The following ERBB4 variants were observed in gnomAD, a reference collection of about 807,000 sequenced individuals.
ERBB4 encodes receptor tyrosine-protein kinase erbB-4.
A neutral mutation model predicts 158.0 loss-of-function variants in ERBB4; 42 were observed. The observed-to-expected ratio is 0.27, with a 90% confidence interval of 0.21 to 0.34. The LOEUF is 0.34. Among genes scored for constraint, ERBB4 ranks in the 10% least tolerant of loss-of-function variants. The pLI is 1.00. For synonymous variants in ERBB4, 583 were observed against 558.7 expected (o/e 1.04, Z -0.61); for missense variants, 1,333 against 1,624.1 (o/e 0.82, Z 3.08).
At chr2:211,416,055 T>C (rs3791702) in intron 25 of ERBB4, among the ~76,000 whole-genome samples, 48,778 of 152,056 alleles carry the variant, frequency 0.32, 8,019 homozygotes, top group South Asian at 0.54. Context: ...TTAGCTGATA[T>C]GTTTTGACAG....
intron 2 of ERBB4, among the ~76,000 whole-genome samples, chr2:211,970,794 A>G (rs1358164620): frequency 1.3e-5 from 2 of 152,068 alleles, no homozygotes; most frequent in East Asian, 3.9e-4. Flanking sequence ...TGGGTCTCTT[A>G]GAGGCAGCAT....
intron 20 of ERBB4, among the ~76,000 whole-genome samples, chr2:211,436,235 T>C (rs1457893809): frequency 6.6e-6 from 1 of 152,248 alleles, no homozygotes; most frequent in Non-Finnish European, 1.5e-5. Context: ...TTTTAATTTA[T>C]ATTTTAAACT....
chr2:212,442,416 C>T (rs2092274462), intron 1 of ERBB4, among the ~76,000 whole-genome samples: 1 of 152,066 alleles, frequency 6.6e-6, no homozygotes, highest in African/African-American at 2.4e-5. Context: ...CCCATCCTTC[C>T]CCAAGGAAAC....
chr2:211,403,182 C>A (rs757299907), intron 25 of ERBB4, among the ~76,000 whole-genome samples: 4 of 152,096 alleles, frequency 2.6e-5, no homozygotes, highest in Non-Finnish European at 5.9e-5. Context: ...ATGTTCCCTA[C>A]AGTTTATTAT....
At chr2:211,729,605 A>G (rs563834198) in intron 5 of ERBB4, among the ~76,000 whole-genome samples, 1 of 151,910 alleles carries the variant, frequency 6.6e-6, no homozygotes, top group Admixed American at 6.6e-5. Flanking sequence ...GGCACCATAG[A>G]GTAAATTTAT....
chr2:212,022,829 C>A (rs950635266), intron 2 of ERBB4, among the ~76,000 whole-genome samples: 1 of 151,758 alleles, frequency 6.6e-6, no homozygotes, highest in Non-Finnish European at 1.5e-5. Context: ...TAAAGAGTAT[C>A]CTCTTTTGAA....
At chr2:211,927,653 T>G (rs1039164388) in intron 3 of ERBB4, among the ~76,000 whole-genome samples, 2 of 151,916 alleles carry the variant, frequency 1.3e-5, no homozygotes, top group African/African-American at 4.8e-5. Context: ...GAAACACAAA[T>G]GTAGAGTGAG....
intron 20 of ERBB4, among the ~76,000 whole-genome samples, chr2:211,466,377 G>A (rs1046002946): frequency 6.5e-5 from 9 of 139,276 alleles, no homozygotes; most frequent in Non-Finnish European, 1.4e-4. Flanking sequence ...CACATTCAAT[G>A]ATGCCATGAA....
At chr2:211,957,834 A>C (rs1192877167) in intron 2 of ERBB4, among the ~76,000 whole-genome samples, 8 of 152,134 alleles carry the variant, frequency 5.3e-5, no homozygotes, top group African/African-American at 1.7e-4. Context: ...CTAGCATTTC[A>C]ATGTACAATT....
At chr2:211,677,633 G>A (rs944876792) in intron 13 of ERBB4, among the ~76,000 whole-genome samples, 1 of 151,226 alleles carries the variant, frequency 6.6e-6, no homozygotes, top group African/African-American at 2.4e-5. Context: ...CCAGCACTTT[G>A]GGAGGCTGAG....
At chr2:211,750,772 T>A (rs903754334) in intron 4 of ERBB4, 68 bp from the exon 5 acceptor site, 40 of 1,315,516 alleles carry the variant, frequency 3.0e-5, no homozygotes, top group East Asian at 3.0e-4. Flanking sequence ...TAGGAGTAAC[T>A]CCTCAAAGGA....
At chr2:211,444,696 A>C (rs2064067726) in intron 20 of ERBB4, among the ~76,000 whole-genome samples, 1 of 152,184 alleles carries the variant, frequency 6.6e-6, no homozygotes, top group Middle Eastern at 3.4e-3. Context: ...GAAAAGAATA[A>C]AGTTTCCTTG....
chr2:211,736,784 G>C (rs181660604), intron 5 of ERBB4, among the ~76,000 whole-genome samples: 2 of 152,160 alleles, frequency 1.3e-5, no homozygotes, highest in Admixed American at 1.3e-4. Context: ...CGTTCAGTCT[G>C]AATTTCTCCT....
intron 20 of ERBB4, among the ~76,000 whole-genome samples, chr2:211,493,846 C>G (rs2065405542): frequency 6.6e-6 from 1 of 152,054 alleles, no homozygotes; most frequent in African/African-American, 2.4e-5. Flanking sequence ...CTATGGTCTC[C>G]AAATGGCATC....
At position 212,071,440 on chromosome 2, in the gene ERBB4, C is replaced by T. The variant is rs141781887; in HGVS notation, c.234+53312G>A. Among the ~76,000 whole-genome samples, 10 of 151,888 alleles carry T rather than the reference C, an allele frequency of 6.6e-5. No individual in the cohort carries two copies. In the East Asian group the frequency reaches 1.9e-3, roughly 29 times the overall value. On this transcript the variant is annotated intron_variant, in intron 2 of 27. Transcript: ENST00000342788. ...GGTGGCCACAGACACTAATCAAAGA[C>T]ATAATACATTTACAGGGTAATGCAG...
intron 4 of ERBB4, among the ~76,000 whole-genome samples, chr2:211,771,171 T>C (rs2075682024): frequency 1.3e-5 from 2 of 152,224 alleles, no homozygotes; most frequent in Admixed American, 6.5e-5. Flanking sequence ...TCAGGCAGAA[T>C]CTCTGAGTGA....
intron 20 of ERBB4, among the ~76,000 whole-genome samples, chr2:211,544,727 T>C (rs1044584413): frequency 5.3e-5 from 8 of 152,016 alleles, no homozygotes; most frequent in African/African-American, 1.9e-4. Context: ...TCTCATAACT[T>C]TGTTGTAAGA....
At chr2:212,260,342 T>C (rs1051416983) in intron 1 of ERBB4, among the ~76,000 whole-genome samples, 10 of 152,194 alleles carry the variant, frequency 6.6e-5, no homozygotes, top group African/African-American at 2.4e-4. Flanking sequence ...AATTTGGTCC[T>C]GCTATTTGAA....
chr2:211,415,156 G>GC (rs1438595834), intron 25 of ERBB4, among the ~76,000 whole-genome samples: 1 of 110,654 alleles, frequency 9.0e-6, no homozygotes, highest in Non-Finnish European at 1.7e-5. Context: ...TCGCTCTGTC[G>GC]CCCAGGCTGG....
Sources: allele counts gnomAD v4.1 joint callset (sites outside exome capture counted in the v4.1 genomes callset), GRCh38; gene constraint gnomAD v4.1.1; transcripts MANE v1.5; gene names NCBI Gene and HGNC (gene_info 2026-07-23, HGNC 2026-07-21).